The following RMDN3 variants were observed in gnomAD, a reference collection of about 807,000 sequenced individuals.
RMDN3 encodes the protein regulator of microtubule dynamics protein 3.
In RMDN3, 41 loss-of-function variants were observed where a neutral mutation model predicts 61.8. The ratio of observed to expected loss-of-function variants is 0.66; its 90% CI spans 0.52 to 0.86. The LOEUF (loss-of-function observed/expected upper bound fraction) is 0.86, where lower values mean the gene tolerates loss of function less well. Ranked by LOEUF, RMDN3 falls within the 40% of genes least tolerant of loss-of-function variation. The pLI is 0.00. For missense variants in RMDN3, 557 were observed against 585.3 expected, an observed-to-expected ratio of 0.95 and a Z score of 0.50; for synonymous variants, 247 against 232.0, an observed-to-expected ratio of 1.06 and a Z score of -0.59.
At chr15:40,753,005 C>T (rs1379248661) in intron 2 of RMDN3, among the ~76,000 whole-genome samples, 1 of 152,176 alleles carries the variant, frequency 6.6e-6, no homozygotes, top group Non-Finnish European at 1.5e-5. Context: ...AATGTGGCCA[C>T]TTTCTTCTAA....
At chr15:40,737,474 A>G in intron 10 of RMDN3, 133 bp from the exon 11 acceptor site, 1 of 1,109,834 alleles carries the variant, frequency 9.0e-7, no homozygotes, top group Non-Finnish European at 1.3e-6. Flanking sequence ...TATTTTTGAT[A>G]AGCTGTGCAA....
intron 6 of RMDN3, among the ~76,000 whole-genome samples, chr15:40,742,108 C>T (rs1897307253): frequency 6.6e-6 from 1 of 151,852 alleles, no homozygotes; most frequent in Admixed American, 6.6e-5. Context: ...CAACCTCTGC[C>T]TCCTGGGCTG....
At chr15:40,746,690 G>A (rs1345277252) in intron 4 of RMDN3, among the ~76,000 whole-genome samples, 1 of 152,144 alleles carries the variant, frequency 6.6e-6, no homozygotes, top group African/African-American at 2.4e-5. Context: ...TGAAGGCTCT[G>A]GAAGTGAGCA....
chr15:40,744,491 T>C (rs1320273287), intron 5 of RMDN3, among the ~76,000 whole-genome samples: 6 of 142,140 alleles, frequency 4.2e-5, no homozygotes, highest in Non-Finnish European at 6.1e-5. Flanking sequence ...AAGGGAAACT[T>C]CTAACTTCTG....
At chr15:40,751,282 T>G in intron 4 of RMDN3, 144 bp downstream of exon 4, 1 of 1,016,716 alleles carries the variant, frequency 9.8e-7, no homozygotes. Context: ...GATGGGTTTT[T>G]TGTTTCAACT....
At position 40,740,214 on chromosome 15, in the gene RMDN3, C is replaced by G. The variant is rs1284631784; in HGVS notation, c.911-21G>C. ...TTTTCCTGTAGGACGAAGGTAGATC[C>G]AGAGTTGACATAGCTCTTATGCACA... On this transcript the variant is annotated intron_variant, in intron 6 of 12. Transcript: ENST00000338376. 1.9e-6 allele frequency: 3 copies of G among 1,566,812 alleles called. No homozygotes were observed. The Admixed American group carries it at 5.1e-5, about 26-fold the overall frequency.
At chr15:40,743,755 T>C (rs964964081) in intron 6 of RMDN3, among the ~76,000 whole-genome samples, 2 of 152,232 alleles carry the variant, frequency 1.3e-5, no homozygotes, top group African/African-American at 2.4e-5. Context: ...AAAAAAGGTT[T>C]TGCCCTCTGT....
rs1791537695 is a variant in RMDN3 at position 40,736,092 on chromosome 15, T to C, written c.*449A>G. ...TAAGAAAGCAATGTCTGTGGGCCAC[T>C]CTGATCCCTCTTTTTACCTTGGTAG... On this transcript the variant is annotated 3_prime_UTR_variant, in exon 13 of 13. Coordinates refer to ENST00000338376, the MANE Select transcript of RMDN3 (RefSeq NM_018145.3). 6.4e-6 allele frequency: 1 copy of C among 155,748 alleles called. No individual in the cohort carries two copies. The highest frequency in any genetic ancestry group is 6.5e-5 in the Admixed American group (1 of 15,408). 9.6% of individuals were successfully genotyped at this position (155,748 alleles called of 1,614,324 possible). A position where few individuals can be genotyped will look rare whatever the true frequency, so the allele number is the denominator to read the frequency against.
At position 40,736,231 on chromosome 15, in the gene RMDN3, G is replaced by C. The variant is rs1897036286; in HGVS notation, c.*310C>G. ...GCTTTGAAGTTCATCCACCTCACCA[G>C]CAATTGGAAGGTCTCAGGTCTTGCA... On this transcript the variant is annotated 3_prime_UTR_variant, in exon 13 of 13. Transcript: ENST00000338376. The C allele has an allele frequency of 5.4e-6, 2 of 368,672 alleles. No homozygotes were observed. The highest frequency in any genetic ancestry group is 9.7e-6 in the Non-Finnish European group (2 of 206,318). The allele number at this position is 368,672 out of a possible 1,614,324, so 22.8% of individuals were successfully genotyped here. A position where few individuals can be genotyped will look rare whatever the true frequency, so the allele number is the denominator to read the frequency against.
At chr15:40,755,019 C>T in intron 1 of RMDN3, 64 bp downstream of exon 1, 1 of 488,684 alleles carries the variant, frequency 2.0e-6, no homozygotes, top group Non-Finnish European at 3.7e-6. Context: ...TGGACGTAGC[C>T]GCCCCTCCAG....
At chr15:40,751,963 G>A (rs762929148) in intron 3 of RMDN3, 23 bp downstream of exon 3, 2 of 1,592,666 alleles carry the variant, frequency 1.3e-6, no homozygotes, top group Non-Finnish European at 1.7e-6. Flanking sequence ...GGATAAAGCA[G>A]GAGAAGAAGC....
chr15:40,738,058 A>G lies in RMDN3; in HGVS notation c.1048-16T>C. 1 of 1,613,086 alleles carries G rather than the reference A, an allele frequency of 6.2e-7. No individual in the cohort carries two copies. The highest frequency in any genetic ancestry group is 8.5e-7 in the Non-Finnish European group (1 of 1,179,052). Reference sequence around the variant, plus strand: ...CCACATGCTCCTAAGGGGAAAATGTAAATATAAACTAACATCAGACACCAG... The same window carrying G: ...CCACATGCTCCTAAGGGGAAAATGTGAATATAAACTAACATCAGACACCAG... On this transcript the variant is annotated splice_polypyrimidine_tract_variant and intron_variant, in intron 8 of 12. Coordinates refer to ENST00000338376, the MANE Select transcript of RMDN3 (RefSeq NM_018145.3).
chr15:40,744,425 G>T (rs958858562), intron 5 of RMDN3: 2 of 338,264 alleles, frequency 5.9e-6, no homozygotes, highest in Non-Finnish European at 1.1e-5. Context: ...TCAACTCCAA[G>T]ATGTCATAAG....
chr15:40,737,650 T>A lies in RMDN3; in HGVS notation c.1202A>T (p.Asp401Val). Residue 401 changes from aspartate to valine, a missense_variant, in exon 10 of 13, where the codon GAT (aspartate) becomes GTT (valine). By Grantham distance (152) the Asp-to-Val change is radical. Coordinates refer to ENST00000338376, the MANE Select transcript of RMDN3 (RefSeq NM_018145.3). ...LESPLSATVE[D>V]ALQSFLKAEE... ...TACCTTTAGGAAGCTCTGGAGGGCA[T>A]CTTCCACAGTGGCACTGAGAGGGCT... 1 of 1,614,130 alleles carries A rather than the reference T, an allele frequency of 6.2e-7. No individual in the cohort carries two copies. Among genetic ancestry groups the A allele is most frequent in the Non-Finnish European group, 8.5e-7 (1 of 1,180,004 alleles).
At chr15:40,747,129 A>AG (rs1304427434) in intron 4 of RMDN3, among the ~76,000 whole-genome samples, 1 of 152,196 alleles carries the variant, frequency 6.6e-6, no homozygotes, top group Non-Finnish European at 1.5e-5. Flanking sequence ...TGCTAGAAGG[A>AG]GGGGGAGACC....
intron 4 of RMDN3, among the ~76,000 whole-genome samples, chr15:40,749,734 A>T (rs554903276): frequency 1.3e-5 from 2 of 152,218 alleles, no homozygotes; most frequent in African/African-American, 4.8e-5. Flanking sequence ...ATTCAGATGT[A>T]TCAAATATTA....
Position 40,754,681 on chromosome 15 carries a change from A to G in RMDN3, c.103T>C (p.Trp35Arg), listed in dbSNP as rs771455115. ...GFLCLLYSQRWKRTQRHGRSQ... is the reference protein window; with the variant it reads ...GFLCLLYSQRRKRTQRHGRSQ... Reference sequence around the variant, plus strand: ...CGGCCATGACGCTGGGTCCGTTTCCATCGCTGGCTGTAAAGGAGGCACAGG... The same window carrying G: ...CGGCCATGACGCTGGGTCCGTTTCCGTCGCTGGCTGTAAAGGAGGCACAGG... The change falls in exon 2 of 13, where the codon TGG (tryptophan) becomes CGG (arginine). Residue 35 changes from tryptophan to arginine, a missense_variant. Physicochemically the swap from Trp to Arg is moderately radical, Grantham distance 101 (BLOSUM62 -3). Transcript: ENST00000338376. 6.2e-6 allele frequency: 10 copies of G among 1,614,114 alleles called. No individual in the cohort carries two copies. The highest frequency in any genetic ancestry group is 8.5e-6 in the Non-Finnish European group (10 of 1,180,002).
chr15:40,751,740 C>G, intron 3 of RMDN3, 171 bp from the exon 4 acceptor site: 1 of 1,000,174 alleles, frequency 1.0e-6, no homozygotes, highest in Non-Finnish European at 1.5e-6. Flanking sequence ...TGGGCCCAGC[C>G]CGCACAGACA....
At chr15:40,751,208 T>C (rs548653110) in intron 4 of RMDN3, among the ~76,000 whole-genome samples, 1 of 152,360 alleles carries the variant, frequency 6.6e-6, no homozygotes, top group South Asian at 2.1e-4. Context: ...TGTAATAAAC[T>C]AAGATAACAG....
Sources: gnomAD v4.1 joint callset for allele counts (sites outside exome capture counted in the v4.1 genomes callset) on GRCh38, gnomAD v4.1.1 for gene constraint, MANE v1.5 for transcripts, NCBI Gene and HGNC (gene_info 2026-07-23, HGNC 2026-07-21) for gene names.